SLC60A1: variants seen among roughly 807,000 people sequenced by gnomAD.
The protein encoded by SLC60A1 is solute carrier family 60 member 1.
the SLC60A1 span, among the ~76,000 whole-genome samples, chr1:205,586,667 G>A: frequency 6.6e-6 from 1 of 151,966 alleles, no homozygotes. Context: ...TGGGGCCTGG[G>A]GATTTGCATT....
chr1:205,589,704 C>T, the SLC60A1 span, among the ~76,000 whole-genome samples: 1 of 152,104 alleles, frequency 6.6e-6, no homozygotes, highest in Admixed American at 6.5e-5. Context: ...CTTCCTGCCT[C>T]AGCCTACCAA....
At chr1:205,586,937 A>G in the SLC60A1 span, among the ~76,000 whole-genome samples, 1 of 151,916 alleles carries the variant, frequency 6.6e-6, no homozygotes, top group Admixed American at 6.5e-5. Context: ...CCTCTTAATG[A>G]TCCACCCGCC....
At chr1:205,569,196 C>A in the SLC60A1 span, 1 of 1,550,922 alleles carries the variant, frequency 6.4e-7, no homozygotes, top group Non-Finnish European at 8.7e-7. Flanking sequence ...GCTGGACCTG[C>A]GCTGTCAGAC....
At chr1:205,581,770 A>G in the SLC60A1 span, among the ~76,000 whole-genome samples, 25,688 of 152,212 alleles carry the variant, frequency 0.17, 2,254 homozygotes, top group Admixed American at 0.22. The surrounding 1 kb of genome is among the most constrained non-coding windows in gnomAD (Gnocchi z 4.2). Context: ...CTCCTGGGGC[A>G]GGTGGGCTGG....
At chr1:205,598,015 C>T in the SLC60A1 span, 10 of 662,644 alleles carry the variant, frequency 1.5e-5, no homozygotes, top group Middle Eastern at 4.4e-4. Flanking sequence ...CGTTTCCAAG[C>T]CAGCCCTGAG....
the SLC60A1 span, among the ~76,000 whole-genome samples, chr1:205,583,026 G>A: frequency 1.1e-4 from 17 of 152,320 alleles, no homozygotes; most frequent in African/African-American, 4.1e-4. Context: ...GCCTCTGGGA[G>A]ACATCTGCAG....
the SLC60A1 span, among the ~76,000 whole-genome samples, chr1:205,585,758 C>T: frequency 2.0e-5 from 3 of 151,720 alleles, no homozygotes; most frequent in African/African-American, 2.4e-5. The surrounding 1 kb of genome is among the most constrained non-coding windows in gnomAD (Gnocchi z 4.2). Context: ...CCAGGCCCTG[C>T]GGGCACTCCC....
chr1:205,600,256 G>A, the SLC60A1 span: 1 of 689,782 alleles, frequency 1.4e-6, no homozygotes, highest in African/African-American at 1.8e-5. Context: ...CTGTTCGCCA[G>A]AACTAGGGGG....
the SLC60A1 span, chr1:205,586,017 GC>G: frequency 6.4e-7 from 1 of 1,571,582 alleles, no homozygotes; most frequent in Non-Finnish European, 8.6e-7. Context: ...GCTCAACAGC[GC>G]CCGGTCTCTC....
At chr1:205,586,699 CTT>C in the SLC60A1 span, among the ~76,000 whole-genome samples, 47 of 142,198 alleles carry the variant, frequency 3.3e-4, no homozygotes, top group Non-Finnish European at 3.4e-4. Flanking sequence ...CTAGGTGACT[CTT>C]TTTTTTTTTT....
the SLC60A1 span, among the ~76,000 whole-genome samples, chr1:205,579,352 C>G: frequency 6.6e-6 from 1 of 152,156 alleles, no homozygotes; most frequent in Non-Finnish European, 1.5e-5. Context: ...CAGGTTCCAT[C>G]CAGGTGGGTC....
At chr1:205,573,748 G>C in the SLC60A1 span, among the ~76,000 whole-genome samples, 35 of 152,172 alleles carry the variant, frequency 2.3e-4, no homozygotes, top group African/African-American at 7.9e-4. Context: ...CCAAGCTGCA[G>C]TGAGGTGGTA....
chr1:205,569,049 G>A, the SLC60A1 span: 2 of 1,380,058 alleles, frequency 1.4e-6, no homozygotes, highest in South Asian at 1.3e-5. Flanking sequence ...GACCAGATCC[G>A]CGAGCCCGTC....
chr1:205,583,966 C>T, the SLC60A1 span: 3 of 1,613,400 alleles, frequency 1.9e-6, no homozygotes, highest in Middle Eastern at 1.7e-4. Context: ...TTCCAGTGCC[C>T]ATGGCTGTGC....
chr1:205,572,281 G>A, the SLC60A1 span, among the ~76,000 whole-genome samples: 2 of 152,044 alleles, frequency 1.3e-5, no homozygotes, highest in African/African-American at 2.4e-5. Flanking sequence ...CTGTCTAACC[G>A]CCCTAGGGAA....
the SLC60A1 span, among the ~76,000 whole-genome samples, chr1:205,570,058 C>T: frequency 6.6e-6 from 1 of 152,112 alleles, no homozygotes; most frequent in Admixed American, 6.5e-5. Flanking sequence ...CACTCCCCAC[C>T]CACCTCATCC....
At chr1:205,579,745 C>T in the SLC60A1 span, 1 of 1,614,100 alleles carries the variant, frequency 6.2e-7, no homozygotes, top group South Asian at 1.1e-5. Context: ...CCCTTCCCTC[C>T]TGCAGCCTGG....
the SLC60A1 span, chr1:205,597,630 A>T: frequency 1.4e-6 from 1 of 710,750 alleles, no homozygotes; most frequent in Non-Finnish European, 2.4e-6. Context: ...TCCTGGCCTC[A>T]AGAGATCCTC....
the SLC60A1 span, chr1:205,599,099 T>C: frequency 6.2e-7 from 1 of 1,611,768 alleles, no homozygotes; most frequent in East Asian, 2.2e-5. Flanking sequence ...AAGTTTTAAT[T>C]GTCTGTCTCT....
Sources: allele counts gnomAD v4.1 joint callset (sites outside exome capture counted in the v4.1 genomes callset), GRCh38; gene constraint gnomAD v4.1.1; non-coding constraint Gnocchi (gnomAD v3.1); transcripts MANE v1.5; gene names NCBI Gene and HGNC (gene_info 2026-07-23, HGNC 2026-07-21).